Variants in SH3GL3 observed in about 807,000 individuals in gnomAD.
SH3GL3 encodes the protein SH3 domain containing GRB2 like 3, endophilin A3, also known as endophilin-A3.
A neutral mutation model predicts 47.7 loss-of-function variants in SH3GL3; 33 were observed. The observed-to-expected ratio is 0.69, with a 90% CI of 0.52 to 0.92. The LOEUF is 0.92. Among genes scored for constraint, SH3GL3 ranks in the 40% least tolerant of loss-of-function variants. The pLI, the probability that SH3GL3 is intolerant of heterozygous loss-of-function variation, is 0.00. For missense variants in SH3GL3, 363 were observed against 417.8 expected (o/e 0.87, Z 1.14); for synonymous variants, 155 against 148.8 (o/e 1.04, Z -0.30).
At chr15:83,562,251 T>C (rs2045326606) in intron 2 of SH3GL3, among the ~76,000 whole-genome samples, 1 of 152,182 alleles carries the variant, frequency 6.6e-6, no homozygotes, top group African/African-American at 2.4e-5. Flanking sequence ...CTTGGGCTGG[T>C]GTGGAGGCAG....
chr15:83,538,895 A>G (rs2044035976), intron 1 of SH3GL3, among the ~76,000 whole-genome samples: 1 of 152,232 alleles, frequency 6.6e-6, no homozygotes, highest in South Asian at 2.1e-4. Context: ...GTCATAGGGT[A>G]TGGTTATTTT....
intron 1 of SH3GL3, among the ~76,000 whole-genome samples, chr15:83,458,393 G>A (rs1435007116): frequency 6.6e-6 from 1 of 152,182 alleles, no homozygotes; most frequent in Admixed American, 6.5e-5. Context: ...TGAGCCAGGT[G>A]TTGTTCCTTC....
chr15:83,580,695 C>T (rs574774136), intron 6 of SH3GL3, among the ~76,000 whole-genome samples: 2 of 152,330 alleles, frequency 1.3e-5, no homozygotes, highest in East Asian at 3.9e-4. Flanking sequence ...GCACTTTCCC[C>T]TCCTTGCACC....
chr15:83,627,964 A>G, the SH3GL3 span, among the ~76,000 whole-genome samples: 1 of 152,222 alleles, frequency 6.6e-6, no homozygotes, highest in Admixed American at 6.5e-5. Context: ...GAATCTACTA[A>G]ATGAACCCCA....
At chr15:83,525,166 TGTTA>T (rs2043362112) in intron 1 of SH3GL3, among the ~76,000 whole-genome samples, 1 of 152,128 alleles carries the variant, frequency 6.6e-6, no homozygotes, top group Admixed American at 6.5e-5. Flanking sequence ...TATTAGCGTC[TGTTA>T]TTTTTTGTCT....
chr15:83,533,351 G>A (rs1262171766), intron 1 of SH3GL3, among the ~76,000 whole-genome samples: 1 of 152,176 alleles, frequency 6.6e-6, no homozygotes, highest in East Asian at 1.9e-4. Context: ...AGAGACTTGG[G>A]ATGGGTGAGG....
chr15:83,462,092 T>C (rs970562522), intron 1 of SH3GL3, among the ~76,000 whole-genome samples: 1 of 152,206 alleles, frequency 6.6e-6, no homozygotes, highest in Non-Finnish European at 1.5e-5. Flanking sequence ...CATTCTTTTC[T>C]AAAGCGCTGT....
chr15:83,460,064 CCCTCCCTTCCTT>C, intron 1 of SH3GL3, among the ~76,000 whole-genome samples: 1 of 82,756 alleles, frequency 1.2e-5, no homozygotes, highest in Non-Finnish European at 2.3e-5. Flanking sequence ...CTGCCTCCCT[CCCTCCCTTCCTT>C]CCTTCCTTCC....
chr15:83,475,608 A>G (rs149767134), intron 1 of SH3GL3, among the ~76,000 whole-genome samples: 91 of 152,346 alleles, frequency 6.0e-4, no homozygotes, highest in Admixed American at 1.8e-3. Flanking sequence ...AAAGACAGTC[A>G]TTGCCTAAAA....
At chr15:83,472,992 C>G (rs998351847) in intron 1 of SH3GL3, among the ~76,000 whole-genome samples, 2 of 152,156 alleles carry the variant, frequency 1.3e-5, no homozygotes, top group African/African-American at 2.4e-5. Context: ...CCACTGATAA[C>G]AAAGCACTCC....
intron 1 of SH3GL3, among the ~76,000 whole-genome samples, chr15:83,462,098 G>A (rs536544948): frequency 6.6e-6 from 1 of 152,200 alleles, no homozygotes; most frequent in East Asian, 1.9e-4. Context: ...TTTCTAAAGC[G>A]CTGTAAGCTA....
At chr15:83,523,757 CTTCTT>C (rs1471274832) in intron 1 of SH3GL3, among the ~76,000 whole-genome samples, 1 of 151,998 alleles carries the variant, frequency 6.6e-6, no homozygotes, top group Non-Finnish European at 1.5e-5. Flanking sequence ...CCTTCTCTCT[CTTCTT>C]TCTTTCTTTC....
chr15:83,530,387 C>G (rs903357649), intron 1 of SH3GL3, among the ~76,000 whole-genome samples: 11 of 152,164 alleles, frequency 7.2e-5, no homozygotes, highest in Non-Finnish European at 1.3e-4. Flanking sequence ...GGGAACCTCT[C>G]CAGGCTTCTA....
At chr15:83,560,811 T>A (rs1254225570) in intron 2 of SH3GL3, among the ~76,000 whole-genome samples, 1 of 152,130 alleles carries the variant, frequency 6.6e-6, no homozygotes, top group African/African-American at 2.4e-5. Context: ...TATTCTATAA[T>A]TAATGCTAAC....
chr15:83,616,848 A>G (rs1381946789), intron 8 of SH3GL3, among the ~76,000 whole-genome samples: 1 of 152,188 alleles, frequency 6.6e-6, no homozygotes, highest in Non-Finnish European at 1.5e-5. Context: ...AGATGAAAAG[A>G]AGAGAAGGAA....
At chr15:83,542,141 TTGTATA>T in intron 1 of SH3GL3, among the ~76,000 whole-genome samples, 1 of 152,200 alleles carries the variant, frequency 6.6e-6, no homozygotes, top group South Asian at 2.1e-4. Flanking sequence ...GATTTGATTT[TTGTATA>T]TGGTGAGAGA....
At chr15:83,579,518 T>TTCCTGCC (rs751588833) in intron 6 of SH3GL3, among the ~76,000 whole-genome samples, 3 of 152,206 alleles carry the variant, frequency 2.0e-5, no homozygotes, top group Non-Finnish European at 2.9e-5. Context: ...TGCTTCCTGC[T>TTCCTGCC]TCCTGCCATC....
chr15:83,499,637 G>A (rs1360938855), intron 1 of SH3GL3, among the ~76,000 whole-genome samples: 1 of 152,212 alleles, frequency 6.6e-6, no homozygotes, highest in Admixed American at 6.5e-5. Context: ...CCTAGCATGT[G>A]TGGTAACTGC....
At chr15:83,450,801 T>TA (rs1567230374) in intron 1 of SH3GL3, among the ~76,000 whole-genome samples, 5 of 25,440 alleles carry the variant, frequency 2.0e-4, no homozygotes, top group African/African-American at 2.4e-4. Flanking sequence ...TTTTTTTTTT[T>TA]TAATTTTTTT....
Sources: gnomAD v4.1 joint callset for allele counts (sites outside exome capture counted in the v4.1 genomes callset) on GRCh38, gnomAD v4.1.1 for gene constraint, MANE v1.5 for transcripts, NCBI Gene and HGNC (gene_info 2026-07-23, HGNC 2026-07-21) for gene names.